Variants in GTSE1 observed in about 807,000 individuals in gnomAD.
GTSE1 encodes the protein G2 and S-phase expressed 1.
In GTSE1, 52 loss-of-function variants were observed where a neutral mutation model predicts 60.5. The ratio of observed to expected loss-of-function variants is 0.86; its 90% confidence interval spans 0.69 to 1.08. GTSE1 has a LOEUF of 1.08. Among genes scored for constraint, GTSE1 ranks in the 50% least tolerant of loss-of-function variants. GTSE1 has a pLI of 0.00. For synonymous variants in GTSE1, 368 were observed against 386.5 expected, an observed-to-expected ratio of 0.95 and a Z score of 0.56; for missense variants, 937 against 961.8, an observed-to-expected ratio of 0.97 and a Z score of 0.34.
rs2077810536 is a variant in GTSE1, at chr22:46,321,188, C to T, written c.1433-2002C>T. The stretch of plus-strand genomic sequence containing the variant: ...TGGGATGACTTAGTCACAGACCACC[C>T]CACTCCATACAAGAAAACAAACACC... On this transcript the variant is annotated intron_variant, in intron 7 of 11. Coordinates refer to ENST00000454366, the MANE Select transcript of GTSE1 (RefSeq NM_016426.7). This position sits in a 1 kb window ranked among gnomAD's most constrained non-coding sequence, Gnocchi z 4.0. Among the ~76,000 whole-genome samples, 1 of 152,194 alleles carries T rather than the reference C, an allele frequency of 6.6e-6. No individual in the cohort carries two copies. Among genetic ancestry groups the T allele is most frequent in the Non-Finnish European group, 1.5e-5 (1 of 68,010 alleles).
In GTSE1 at chr22:46,318,959, A is replaced by G. The variant is rs111829196; in HGVS notation, c.1432+2547A>G. Among the ~76,000 whole-genome samples the G allele has an allele frequency of 3.4e-4, 51 of 152,016 alleles. No individual in the cohort carries two copies. The highest frequency in any genetic ancestry group is 1.2e-3 in the African/African-American group (48 of 41,466). ...TCTAGGTGAAGAAGAGCAAATCCCC[A>G]CCTTTCAAGGACCCTCACTGCAAGT... On this transcript the variant is annotated intron_variant, in intron 7 of 11. Coordinates refer to ENST00000454366, the MANE Select transcript of GTSE1 (RefSeq NM_016426.7). This position sits in a 1 kb window ranked among gnomAD's most constrained non-coding sequence, Gnocchi z 4.8.
In GTSE1 at chr22:46,329,001, C is replaced by T; in HGVS notation, c.1926+112C>T. 1 of 869,670 alleles carries T rather than the reference C, an allele frequency of 1.1e-6. No homozygotes were observed. Among genetic ancestry groups the T allele is most frequent in the African/African-American group, 1.7e-5 (1 of 60,246 alleles). The allele number at this position is 869,670 out of a possible 1,614,324, so 53.9% of individuals were successfully genotyped here. On this transcript the variant is annotated intron_variant, in intron 10 of 11. Coordinates refer to ENST00000454366, the MANE Select transcript of GTSE1 (RefSeq NM_016426.7). This position sits in a 1 kb window ranked among gnomAD's most constrained non-coding sequence, Gnocchi z 6.4. The stretch of plus-strand genomic sequence containing the variant: ...GCGGAGTTCCCTGCCATGCTTCATC[C>T]TGGGGCCAGTGCCTCCGTGCCAAGC...
In GTSE1 at chr22:46,316,127, C is replaced by CA; in HGVS notation, c.1147_1148insA (p.Pro383HisfsTer22). 6.2e-7 allele frequency: 1 copy of CA among 1,603,064 alleles called. No homozygotes were observed. Among genetic ancestry groups the CA allele is most frequent in the Non-Finnish European group, 8.5e-7 (1 of 1,172,358 alleles). On this transcript the variant is annotated frameshift_variant, in exon 7 of 12. Coordinates refer to ENST00000454366, the MANE Select transcript of GTSE1 (RefSeq NM_016426.7). LOFTEE classifies it high-confidence loss of function. This position sits in a 1 kb window ranked among gnomAD's most constrained non-coding sequence, Gnocchi z 5.0. Reference sequence around the variant, plus strand: ...CAGAATGGGACCCGCCATGCTGCGGCCAGCTCTGCCTGCAGGCCCTGTGGG... The same window carrying CA: ...CAGAATGGGACCCGCCATGCTGCGGCACAGCTCTGCCTGCAGGCCCTGTGGG...
rs1359848010 is a variant in GTSE1, at chr22:46,321,948, C to T, written c.1433-1242C>T. Among the ~76,000 whole-genome samples the T allele has an allele frequency of 2.0e-5, 3 of 151,516 alleles. No homozygotes were observed. Among genetic ancestry groups the T allele is most frequent in the African/African-American group, 7.3e-5 (3 of 41,244 alleles). Reference sequence around the variant, plus strand: ...AATTATCCGGGCGTGGTGGCGGGCACCTATAATTCCAGCTACTCAGGAGGC... The same window carrying T: ...AATTATCCGGGCGTGGTGGCGGGCATCTATAATTCCAGCTACTCAGGAGGC... On this transcript the variant is annotated intron_variant, in intron 7 of 11. Transcript: ENST00000454366. The surrounding 1 kb of genome is among the most constrained non-coding windows in gnomAD (Gnocchi z 4.0).
rs1569036953 is a variant in GTSE1 at position 46,304,670 on chromosome 22, GTAT to G, written c.80-3478_80-3476del. Among the ~76,000 whole-genome samples the G allele has an allele frequency of 6.6e-6, 1 of 152,110 alleles. No individual in the cohort carries two copies. Among genetic ancestry groups the G allele is most frequent in the African/African-American group, 2.4e-5 (1 of 41,440 alleles). ...AATGTTTGCAGGATTCTTTTTGCTGGTATTCTTGTTAAAGAGTTTGATGTTAGG... is the reference window on the plus strand; with the variant it reads ...AATGTTTGCAGGATTCTTTTTGCTGGTCTTGTTAAAGAGTTTGATGTTAGG... On this transcript the variant is annotated intron_variant, in intron 2 of 11. Transcript: ENST00000454366. This position sits in a 1 kb window ranked among gnomAD's most constrained non-coding sequence, Gnocchi z 4.4.
At position 46,296,902 on chromosome 22, in the gene GTSE1, A is replaced by G. The variant is rs1452153951; in HGVS notation, c.-51A>G. On this transcript the variant is annotated 5_prime_UTR_variant, in exon 1 of 12. Coordinates refer to ENST00000454366, the MANE Select transcript of GTSE1 (RefSeq NM_016426.7). ...GGCGCCGCGTTTAAATCCGTGCCGG[A>G]GGCGCGTCCTGCATCGTCTGCCGCT... The G allele has an allele frequency of 1.3e-5, 2 of 155,784 alleles. No homozygotes were observed. Among genetic ancestry groups the G allele is most frequent in the African/African-American group, 2.4e-5 (1 of 41,422 alleles). 9.7% of individuals were successfully genotyped at this position (155,784 alleles called of 1,614,324 possible). A position where few individuals can be genotyped will look rare whatever the true frequency, so the allele number is the denominator to read the frequency against.
rs2077843853 is a variant in GTSE1, at chr22:46,326,387, A to ACATCAAGCTAACATGACTAACACC, written c.1506-48_1506-47insATCAAGCTAACATGACTAACACCC. The ACATCAAGCTAACATGACTAACACC allele has an allele frequency of 3.4e-6, 5 of 1,457,836 alleles. No individual in the cohort carries two copies. In the South Asian group the frequency reaches 6.2e-5, roughly 18 times the overall value. 90.3% of individuals were successfully genotyped at this position (1,457,836 alleles called of 1,614,324 possible). On this transcript the variant is annotated intron_variant, in intron 8 of 11. Coordinates refer to ENST00000454366, the MANE Select transcript of GTSE1 (RefSeq NM_016426.7). ...AGCACAGGCTGAATGATGAGATCTT[A>ACATCAAGCTAACATGACTAACACC]CTTTTTCTATGTCATCTCAGCTCAC...
chr22:46,328,643 A>T (rs754653197), intron 9 of GTSE1, 45 bp from the exon 10 acceptor site: 2 of 1,458,210 alleles, frequency 1.4e-6, no homozygotes, highest in African/African-American at 2.8e-5. Flanking sequence ...CAAGTGAACG[A>T]GCATTTTAGA....
chr22:46,299,353 C>T (rs117516733), intron 2 of GTSE1, among the ~76,000 whole-genome samples: 2 of 152,402 alleles, frequency 1.3e-5, no homozygotes, highest in East Asian at 3.9e-4. Flanking sequence ...GTCTTGAGCG[C>T]AGCCTCTCCT....
In GTSE1 at chr22:46,316,731, G is replaced by T. The variant is rs907162495; in HGVS notation, c.1432+319G>T. On this transcript the variant is annotated intron_variant, in intron 7 of 11. Coordinates refer to ENST00000454366, the MANE Select transcript of GTSE1 (RefSeq NM_016426.7). This position sits in a 1 kb window ranked among gnomAD's most constrained non-coding sequence, Gnocchi z 5.0. ...CTTTCTTTGCCTTTATCCCGCTGAG[G>T]GTTTCTTAAGCTTCTTTGATCTGTG... Among the ~76,000 whole-genome samples, 1 of 151,992 alleles carries T rather than the reference G, an allele frequency of 6.6e-6. No individual in the cohort carries two copies. The highest frequency in any genetic ancestry group is 1.5e-5 in the Non-Finnish European group (1 of 67,994).
chr22:46,299,575 G>T (rs2077677372), intron 2 of GTSE1, among the ~76,000 whole-genome samples: 1 of 152,156 alleles, frequency 6.6e-6, no homozygotes, highest in Non-Finnish European at 1.5e-5. Context: ...ACCTTCAGAA[G>T]ATATCCTGAA....
At position 46,297,346 on chromosome 22, in the gene GTSE1, C is replaced by G. The variant is rs2077662850; in HGVS notation, c.-21-34C>G. Reference sequence around the variant, plus strand: ...GAAGCCGGAGCCCTGGGCCCTGACACGTACTCACTTTCTGGCCCCGTTCCA... The same window carrying G: ...GAAGCCGGAGCCCTGGGCCCTGACAGGTACTCACTTTCTGGCCCCGTTCCA... On this transcript the variant is annotated intron_variant, in intron 1 of 11. Coordinates refer to ENST00000454366, the MANE Select transcript of GTSE1 (RefSeq NM_016426.7). This position sits in a 1 kb window ranked among gnomAD's most constrained non-coding sequence, Gnocchi z 4.9. 1 of 1,194,316 alleles carries G rather than the reference C, an allele frequency of 8.4e-7. No individual in the cohort carries two copies. The highest frequency in any genetic ancestry group is 1.5e-5 in the African/African-American group (1 of 67,152). 74.0% of individuals were successfully genotyped at this position (1,194,316 alleles called of 1,614,324 possible).
rs551490317 is a variant in GTSE1, at chr22:46,314,850, C to CAAA, written c.1051+852_1051+854dup. Among the ~76,000 whole-genome samples the CAAA allele has an allele frequency of 7.2e-5, 7 of 96,736 alleles. No homozygotes were observed. The highest frequency in any genetic ancestry group is 3.7e-4 in the South Asian group (1 of 2,726). 63.5% of individuals were successfully genotyped at this position (96,736 alleles called of 152,430 possible). A position where few individuals can be genotyped will look rare whatever the true frequency, so the allele number is the denominator to read the frequency against. On this transcript the variant is annotated intron_variant, in intron 6 of 11. Transcript: ENST00000454366. This position sits in a 1 kb window ranked among gnomAD's most constrained non-coding sequence, Gnocchi z 7.1. ...GAGATTGCATCACTGCACTCCGTCT[C>CAAA]AAAAAAAAAAAAAAAAATGATAAGT...
In GTSE1 at chr22:46,329,512, C is replaced by A. The variant is rs141340846; in HGVS notation, c.2081C>A (p.Thr694Lys). The part of the protein sequence containing the change: ...SESRPLIDLM[T>K]NTPDMNKNVA... ...AGCAGGCCTCTGATCGACCTCATGA[C>A]AAACACTCCAGACATGAATAAAAAT... Residue 694 changes from threonine to lysine, a missense_variant, in exon 11 of 12, where the codon ACA (threonine) becomes AAA (lysine). Physicochemically the swap from Thr to Lys is moderately conservative, Grantham distance 78 (BLOSUM62 -1). Transcript: ENST00000454366. The surrounding 1 kb of genome is among the most constrained non-coding windows in gnomAD (Gnocchi z 6.4). 1 of 1,614,210 alleles carries A rather than the reference C, an allele frequency of 6.2e-7. No individual in the cohort carries two copies. Among genetic ancestry groups the A allele is most frequent in the Non-Finnish European group, 8.5e-7 (1 of 1,180,032 alleles).
At chr22:46,301,073 C>T (rs545668375) in intron 2 of GTSE1, among the ~76,000 whole-genome samples, 2 of 152,310 alleles carry the variant, frequency 1.3e-5, no homozygotes, top group African/African-American at 2.4e-5. Context: ...TGTATCAACA[C>T]ATGAAGAGCA....
At chr22:46,299,496 T>G (rs575253189) in intron 2 of GTSE1, among the ~76,000 whole-genome samples, 28 of 152,302 alleles carry the variant, frequency 1.8e-4, no homozygotes, top group South Asian at 1.7e-3. Flanking sequence ...ATTTTATTTC[T>G]CCATTTCACC....
At position 46,314,237 on chromosome 22, in the gene GTSE1, G is replaced by A. The variant is rs187336319; in HGVS notation, c.1051+224G>A. On this transcript the variant is annotated intron_variant, in intron 6 of 11. Coordinates refer to ENST00000454366, the MANE Select transcript of GTSE1 (RefSeq NM_016426.7). This position sits in a 1 kb window ranked among gnomAD's most constrained non-coding sequence, Gnocchi z 7.1. The stretch of plus-strand genomic sequence containing the variant: ...ACTCAGATGGGTGGCTTCAGTCTAC[G>A]GGGTACACATGGCCAGAAAGCATGT... 2.8e-3 allele frequency among the ~76,000 whole-genome samples: 420 copies of A among 152,272 alleles called. 6 individuals are homozygous for A. Among genetic ancestry groups the A allele is most frequent in the Admixed American group, 0.025 (376 of 15,290 alleles).
intron 2 of GTSE1, among the ~76,000 whole-genome samples, chr22:46,300,897 C>T (rs1389313151): frequency 6.6e-6 from 1 of 152,206 alleles, no homozygotes; most frequent in Non-Finnish European, 1.5e-5. Context: ...CCTACTTGCC[C>T]TTCCAAGGGC....
At chr22:46,322,089 A>AG in intron 7 of GTSE1, among the ~76,000 whole-genome samples, 1 of 151,484 alleles carries the variant, frequency 6.6e-6, no homozygotes, top group South Asian at 2.1e-4. Context: ...AAAAAAAAAA[A>AG]AAAAAAAAAG....
Sources: allele counts gnomAD v4.1 joint callset (sites outside exome capture counted in the v4.1 genomes callset), GRCh38; gene constraint gnomAD v4.1.1; non-coding constraint Gnocchi (gnomAD v3.1); transcripts MANE v1.5; gene names NCBI Gene and HGNC (gene_info 2026-07-23, HGNC 2026-07-21).